The following RASSF8 variants were observed in gnomAD, a reference collection of about 807,000 sequenced individuals.
RASSF8 encodes Ras association domain family member 8.
A neutral mutation model predicts 48.5 loss-of-function variants in RASSF8; 22 were observed. The observed-to-expected ratio is 0.45, with a 90% confidence interval of 0.32 to 0.65. RASSF8 has a LOEUF of 0.65. Ranked by LOEUF, RASSF8 falls within the 30% of genes least tolerant of loss-of-function variation. RASSF8 has a pLI of 0.03. For missense variants in RASSF8, 418 were observed against 489.2 expected (o/e 0.85, Z 1.37); for synonymous variants, 127 against 171.5 (o/e 0.74, Z 2.03).
chr12:26,046,626 C>T (rs1188475805), intron 2 of RASSF8, among the ~76,000 whole-genome samples: 1 of 152,004 alleles, frequency 6.6e-6, no homozygotes, highest in Non-Finnish European at 1.5e-5. Flanking sequence ...CACTTGAGAC[C>T]AGAAGTTCAA....
At chr12:26,037,221 C>T (rs1943172620) in intron 2 of RASSF8, among the ~76,000 whole-genome samples, 2 of 152,150 alleles carry the variant, frequency 1.3e-5, no homozygotes, top group Non-Finnish European at 2.9e-5. Context: ...AATTTGAAAA[C>T]AATAAAATTA....
At chr12:26,005,239 T>G (rs1156386384) in intron 2 of RASSF8, among the ~76,000 whole-genome samples, 1 of 152,124 alleles carries the variant, frequency 6.6e-6, no homozygotes, top group African/African-American at 2.4e-5. Context: ...TTTGTTTAAT[T>G]GCCAGATTAA....
At chr12:26,039,288 C>T (rs150222594) in intron 2 of RASSF8, among the ~76,000 whole-genome samples, 3 of 152,292 alleles carry the variant, frequency 2.0e-5, no homozygotes, top group African/African-American at 7.2e-5. Context: ...GTCTGCTGCT[C>T]ATAGTTCCCT....
At chr12:26,032,708 T>C (rs1348044235) in intron 2 of RASSF8, among the ~76,000 whole-genome samples, 1 of 152,196 alleles carries the variant, frequency 6.6e-6, no homozygotes, top group Non-Finnish European at 1.5e-5. Flanking sequence ...GCATGCGTAA[T>C]GCCCAGTTTC....
chr12:26,055,984 G>A (rs1278240475), intron 3 of RASSF8, among the ~76,000 whole-genome samples: 3 of 152,106 alleles, frequency 2.0e-5, no homozygotes, highest in South Asian at 2.1e-4. Flanking sequence ...TCAGGAGTTC[G>A]AGACCAGCCT....
chr12:26,056,501 G>A (rs1237616322), intron 3 of RASSF8, among the ~76,000 whole-genome samples: 1 of 152,162 alleles, frequency 6.6e-6, no homozygotes, highest in East Asian at 1.9e-4. Context: ...ATCAAAAGTT[G>A]ATTTTATGTC....
At chr12:25,960,209 T>C (rs1941198006) in intron 1 of RASSF8, among the ~76,000 whole-genome samples, 1 of 152,204 alleles carries the variant, frequency 6.6e-6, no homozygotes, top group East Asian at 1.9e-4. Context: ...AACCACTCAT[T>C]CTGGTAGGGG....
At chr12:25,985,910 G>T (rs1276664605) in intron 1 of RASSF8, among the ~76,000 whole-genome samples, 3 of 152,178 alleles carry the variant, frequency 2.0e-5, no homozygotes, top group Non-Finnish European at 2.9e-5. Flanking sequence ...TTAACTACCT[G>T]TGCCTCTCGT....
intron 2 of RASSF8, among the ~76,000 whole-genome samples, chr12:26,035,769 A>T (rs57082706): frequency 0.12 from 17,598 of 144,574 alleles, 1,440 homozygotes; most frequent in Admixed American, 0.2. Context: ...ATATCACTAT[A>T]TATCTGATAT....
chr12:25,998,571 T>A (rs1942185372), intron 2 of RASSF8, among the ~76,000 whole-genome samples: 2 of 152,088 alleles, frequency 1.3e-5, no homozygotes, highest in Non-Finnish European at 2.9e-5. Flanking sequence ...ATGGTCTCGA[T>A]CTCTTGACCT....
intron 2 of RASSF8, among the ~76,000 whole-genome samples, chr12:26,029,317 A>G (rs1173474809): frequency 2.0e-5 from 3 of 152,118 alleles, no homozygotes; most frequent in African/African-American, 4.8e-5. Context: ...TTGACAACCC[A>G]TGTTATTTTT....
At chr12:25,998,349 CTT>C (rs34094399) in intron 2 of RASSF8, among the ~76,000 whole-genome samples, 6,833 of 130,888 alleles carry the variant, frequency 0.052, 170 homozygotes, top group Middle Eastern at 0.091. Context: ...GAAGACAAAG[CTT>C]TTTTTTTTTT....
chr12:25,979,690 G>A (rs950847356), intron 1 of RASSF8, among the ~76,000 whole-genome samples: 16 of 152,272 alleles, frequency 1.1e-4, no homozygotes, highest in African/African-American at 3.6e-4. Flanking sequence ...GCAGAGCTAG[G>A]ATTCGAGGCC....
chr12:25,975,024 A>G (rs1045823267), intron 1 of RASSF8, among the ~76,000 whole-genome samples: 14 of 152,154 alleles, frequency 9.2e-5, no homozygotes, highest in Admixed American at 9.2e-4. Context: ...GTGATAATGG[A>G]TAAAATAGAG....
chr12:26,031,320 A>AT (rs201464484), intron 2 of RASSF8, among the ~76,000 whole-genome samples: 8 of 151,324 alleles, frequency 5.3e-5, no homozygotes, highest in Admixed American at 2.6e-4. Context: ...TTGTTTCAGT[A>AT]TTTTTTTTTC....
intron 1 of RASSF8, among the ~76,000 whole-genome samples, chr12:25,977,202 ACAGCCTTC>A (rs1356034779): frequency 6.6e-6 from 1 of 152,208 alleles, no homozygotes; most frequent in Non-Finnish European, 1.5e-5. Context: ...TCATTACACC[ACAGCCTTC>A]CACCTGACTG....
At chr12:26,076,070 G>A (rs1309013922), downstream of RASSF8, among the ~76,000 whole-genome samples, 1 of 152,068 alleles carries the variant, frequency 6.6e-6, no homozygotes, top group African/African-American at 2.4e-5. Context: ...AGGCCACATA[G>A]AAGAAACAAT....
intron 2 of RASSF8, among the ~76,000 whole-genome samples, chr12:26,001,071 A>AC (rs1942246282): frequency 7.3e-6 from 1 of 136,840 alleles, no homozygotes; most frequent in East Asian, 2.1e-4. Flanking sequence ...TGAAGCCTTG[A>AC]CCTCCTGGGG....
At chr12:26,073,950 C>CTGTG (rs1944046838), downstream of RASSF8, among the ~76,000 whole-genome samples, 1 of 142,998 alleles carries the variant, frequency 7.0e-6, no homozygotes, top group African/African-American at 2.6e-5. Flanking sequence ...AATTTCCCAT[C>CTGTG]TATATATATA....
Sources: allele counts gnomAD v4.1 joint callset (sites outside exome capture counted in the v4.1 genomes callset), GRCh38; gene constraint gnomAD v4.1.1; transcripts MANE v1.5; gene names NCBI Gene and HGNC (gene_info 2026-07-23, HGNC 2026-07-21).